Variants in PIK3C3 observed in about 807,000 individuals in gnomAD.
The protein encoded by PIK3C3 is PI3-kinase type 3.
PIK3C3 carries 95 observed loss-of-function variants against 126.1 expected under a neutral mutation model. The ratio of observed to expected loss-of-function variants is 0.75; its 90% CI spans 0.64 to 0.89. The LOEUF (loss-of-function observed/expected upper bound fraction) is 0.89. Among genes scored for constraint, PIK3C3 ranks in the 40% least tolerant of loss-of-function variants. PIK3C3 has a pLI of 0.00. For synonymous variants in PIK3C3, 374 were observed against 360.0 expected (o/e 1.04, Z -0.44); for missense variants, 829 against 1,063.2 (o/e 0.78, Z 3.06).
Position 42,086,969 on chromosome 18 carries a change from T to C in PIK3C3, c.*5832T>C, listed in dbSNP as rs1227860417. On this transcript the variant is annotated 3_prime_UTR_variant, in exon 25 of 25. Transcript: ENST00000262039. ...TTAACCAGGATCCCTTTCCAGTAAC[T>C]TCAGCAGGATCTGTGAGTGCCAGTT... is the stretch of plus-strand genomic sequence containing the variant. The C allele has an allele frequency of 6.6e-6, 1 of 152,190 alleles. No homozygotes were observed. The highest frequency in any genetic ancestry group is 1.5e-5 in the Non-Finnish European group (1 of 68,046). 9.4% of individuals were successfully genotyped at this position (152,190 alleles called of 1,614,324 possible). A position where few individuals can be genotyped will look rare whatever the true frequency, so the allele number is the denominator to read the frequency against.
chr18:41,963,799 A>G (rs372245234), intron 3 of PIK3C3, among the ~76,000 whole-genome samples: 1 of 150,358 alleles, frequency 6.7e-6, no homozygotes, highest in East Asian at 1.9e-4. Flanking sequence ...AAATTGAGAT[A>G]TAATTCACAT....
At chr18:41,996,540 A>T (rs532950351) in intron 8 of PIK3C3, 98 bp from the exon 9 acceptor site, 142 of 537,538 alleles carry the variant, frequency 2.6e-4, no homozygotes, top group Non-Finnish European at 4.0e-4. Context: ...TAATTGTAGT[A>T]TAGAATTATT....
chr18:41,963,767 T>C (rs562059371), intron 3 of PIK3C3, among the ~76,000 whole-genome samples: 5 of 152,152 alleles, frequency 3.3e-5, no homozygotes, highest in Non-Finnish European at 7.4e-5. Flanking sequence ...AACTGCTTTT[T>C]GATGTACTTT....
At chr18:42,003,361 G>A (rs1982384903) in intron 9 of PIK3C3, among the ~76,000 whole-genome samples, 1 of 152,154 alleles carries the variant, frequency 6.6e-6, no homozygotes, top group African/African-American at 2.4e-5. Flanking sequence ...AAAACATCTT[G>A]GGTTCAGCCA....
chr18:42,054,248 T>C (rs1984960397), intron 21 of PIK3C3, among the ~76,000 whole-genome samples: 1 of 143,274 alleles, frequency 7.0e-6, no homozygotes, highest in Admixed American at 7.1e-5. Flanking sequence ...TTATAGGCTG[T>C]CTGCAGGCTG....
chr18:41,975,649 A>T (rs1980879731), intron 4 of PIK3C3, among the ~76,000 whole-genome samples: 1 of 151,934 alleles, frequency 6.6e-6, no homozygotes, highest in African/African-American at 2.4e-5. Flanking sequence ...AAGGAGCTGG[A>T]AAGGTTTCTC....
intron 13 of PIK3C3, 153 bp from the exon 14 acceptor site, chr18:42,027,290 C>G: frequency 2.5e-6 from 1 of 393,150 alleles, no homozygotes; most frequent in Non-Finnish European, 4.6e-6. Context: ...TAAGTTTTCA[C>G]TTTTAAAAGT....
At chr18:42,043,391 A>G (rs1429077367) in intron 19 of PIK3C3, among the ~76,000 whole-genome samples, 1 of 152,196 alleles carries the variant, frequency 6.6e-6, no homozygotes, top group African/African-American at 2.4e-5. Flanking sequence ...ACATCTGGCC[A>G]GGATAAACTC....
intron 15 of PIK3C3, among the ~76,000 whole-genome samples, chr18:42,031,834 G>A (rs1983843367): frequency 1.3e-5 from 2 of 152,078 alleles, no homozygotes; most frequent in Admixed American, 6.5e-5. Context: ...CTACAAATAC[G>A]AAATATGTAT....
intron 9 of PIK3C3, among the ~76,000 whole-genome samples, chr18:42,001,639 T>C (rs1982295833): frequency 6.6e-6 from 1 of 152,218 alleles, no homozygotes. Flanking sequence ...CATTAAAAAG[T>C]TGTGAAATTC....
intron 1 of PIK3C3, 107 bp downstream of exon 1, chr18:41,955,466 C>T (rs1187300685): frequency 1.1e-6 from 1 of 946,106 alleles, no homozygotes; most frequent in Non-Finnish European, 1.7e-6. Flanking sequence ...GTCTCAAGGC[C>T]CAGATTGGGG....
chr18:42,046,009 C>T (rs1470923233), intron 20 of PIK3C3, among the ~76,000 whole-genome samples: 6 of 152,068 alleles, frequency 3.9e-5, no homozygotes, highest in African/African-American at 9.7e-5. Context: ...TGCTTAATGT[C>T]GTACCATTGT....
At chr18:42,011,282 T>C (rs1480259233) in intron 10 of PIK3C3, among the ~76,000 whole-genome samples, 1 of 152,218 alleles carries the variant, frequency 6.6e-6, no homozygotes, top group Non-Finnish European at 1.5e-5. Context: ...TGTCTTATTC[T>C]AAAACAAGGC....
intron 4 of PIK3C3, among the ~76,000 whole-genome samples, chr18:41,979,213 T>C (rs1981078274): frequency 6.6e-6 from 1 of 152,138 alleles, no homozygotes; most frequent in Non-Finnish European, 1.5e-5. Flanking sequence ...TTTCACTGTG[T>C]CTAGACTGTT....
intron 4 of PIK3C3, among the ~76,000 whole-genome samples, chr18:41,976,959 G>C (rs1024095373): frequency 1.3e-5 from 2 of 152,204 alleles, no homozygotes; most frequent in African/African-American, 4.8e-5. Flanking sequence ...ATAAGTATCA[G>C]TGACATATGC....
intron 18 of PIK3C3, 30 bp from the exon 19 acceptor site, chr18:42,040,647 G>T: frequency 2.0e-6 from 3 of 1,498,118 alleles, no homozygotes; most frequent in South Asian, 2.3e-5. Context: ...CAGTAGCTAT[G>T]CTTAATGCAG....
intron 10 of PIK3C3, among the ~76,000 whole-genome samples, chr18:42,007,144 A>G (rs1347994795): frequency 1.3e-5 from 2 of 152,222 alleles, no homozygotes; most frequent in Non-Finnish European, 2.9e-5. Context: ...CTGGGATTAC[A>G]GGCATGAGCC....
rs1986414777 is a variant in PIK3C3, at chr18:42,087,059, G to T, written c.*5922G>T. 6.6e-6 allele frequency: 1 copy of T among 152,138 alleles called. No homozygotes were observed. Among genetic ancestry groups the T allele is most frequent in the Non-Finnish European group, 1.5e-5 (1 of 68,070 alleles). 9.4% of individuals were successfully genotyped at this position (152,138 alleles called of 1,614,324 possible). ...TCCCCCCTTTCCTCTATTTTTAAAA[G>T]AACTTTCAGCCCTTTTGAAGTGGGT... On this transcript the variant is annotated 3_prime_UTR_variant, in exon 25 of 25. Coordinates refer to ENST00000262039, the MANE Select transcript of PIK3C3 (RefSeq NM_002647.4).
In PIK3C3 at chr18:42,020,686, C is replaced by A. The variant is rs367968719; in HGVS notation, c.1465C>A (p.Leu489Met). 2 of 1,596,036 alleles carry A rather than the reference C, an allele frequency of 1.3e-6. No homozygotes were observed. Among genetic ancestry groups the A allele is most frequent in the Non-Finnish European group, 1.7e-6 (2 of 1,164,948 alleles). ...LISRACKNST[L>M]ANYLYWYVIV... ...ATCGAGAGCCTGCAAAAACTCAACA[C>A]TGGCTAATTATTTATACTGGTATGT... Residue 489 changes from leucine to methionine, a missense_variant, in exon 13 of 25, where the codon CTG (leucine) becomes ATG (methionine). Transcript: ENST00000262039.
Sources: gnomAD v4.1 joint callset for allele counts (sites outside exome capture counted in the v4.1 genomes callset) on GRCh38, gnomAD v4.1.1 for gene constraint, MANE v1.5 for transcripts, NCBI Gene and HGNC (gene_info 2026-07-23, HGNC 2026-07-21) for gene names.